LGR5: variants seen among roughly 807,000 people sequenced by gnomAD.
LGR5 encodes the protein leucine-rich repeat-containing G protein-coupled receptor 5.
A neutral mutation model predicts 76.7 loss-of-function variants in LGR5; 54 were observed. The ratio of observed to expected loss-of-function variants is 0.70; its 90% CI spans 0.57 to 0.88. The LOEUF (loss-of-function observed/expected upper bound fraction) is 0.88, where lower values mean the gene tolerates loss of function less well. Ranked by LOEUF, LGR5 falls within the 40% of genes least tolerant of loss-of-function variation. The pLI, the probability that LGR5 is intolerant of heterozygous loss-of-function variation, is 0.00. For synonymous variants in LGR5, 406 were observed against 421.9 expected (o/e 0.96, Z 0.46); for missense variants, 1,078 against 1,073.3 (o/e 1.00, Z -0.06).
At chr12:71,483,957 T>C (rs542029653) in intron 1 of LGR5, among the ~76,000 whole-genome samples, 1 of 152,156 alleles carries the variant, frequency 6.6e-6, no homozygotes, top group Admixed American at 6.5e-5. Flanking sequence ...TGGAGATGTA[T>C]TAATCAAAAT....
At chr12:71,548,981 TA>T (rs1169627152) in intron 4 of LGR5, among the ~76,000 whole-genome samples, 7 of 152,262 alleles carry the variant, frequency 4.6e-5, no homozygotes, top group African/African-American at 1.7e-4. Flanking sequence ...TGTCTTCTTG[TA>T]CCAGATAGTG....
intron 14 of LGR5, 54 bp downstream of exon 14, chr12:71,578,050 T>A: frequency 7.4e-7 from 1 of 1,351,704 alleles, no homozygotes; most frequent in Non-Finnish European, 1.1e-6. Flanking sequence ...GAGGACCATC[T>A]AGTTAATTTT....
chr12:71,523,894 C>A (rs968318963), intron 2 of LGR5, among the ~76,000 whole-genome samples: 1 of 152,134 alleles, frequency 6.6e-6, no homozygotes, highest in Admixed American at 6.6e-5. Context: ...TTAAGGTACT[C>A]TATCCTTTTC....
chr12:71,566,111 G>A (rs1277045969), intron 8 of LGR5, among the ~76,000 whole-genome samples: 1 of 152,090 alleles, frequency 6.6e-6, no homozygotes, highest in Non-Finnish European at 1.5e-5. Context: ...GGAGGGAGAG[G>A]AAACTGTTAA....
chr12:71,472,608 C>G (rs1873149252), intron 1 of LGR5, among the ~76,000 whole-genome samples: 1 of 152,246 alleles, frequency 6.6e-6, no homozygotes, highest in African/African-American at 2.4e-5. Context: ...GTCCTCCTAT[C>G]TTGTGTGAGA....
intron 17 of LGR5, 57 bp downstream of exon 17, chr12:71,582,596 A>C: frequency 7.7e-7 from 1 of 1,298,392 alleles, no homozygotes; most frequent in Non-Finnish European, 1.1e-6. Flanking sequence ...TTCTGAGTCC[A>C]TGAAAAACAA....
chr12:71,580,141 A>G, intron 15 of LGR5, 137 bp from the exon 16 acceptor site: 1 of 684,482 alleles, frequency 1.5e-6, no homozygotes, highest in Non-Finnish European at 2.4e-6. Flanking sequence ...GAACACCTTT[A>G]TGTGCATAAC....
chr12:71,563,012 C>T (rs2463179), intron 8 of LGR5, among the ~76,000 whole-genome samples: 134,146 of 152,220 alleles, frequency 0.88, 61,089 homozygotes, highest in East Asian at 1. Context: ...AGCGTATTTG[C>T]GTATTAAGAG....
chr12:71,566,805 G>A (rs373845303), intron 10 of LGR5, 36 bp from the exon 11 acceptor site: 54 of 1,595,866 alleles, frequency 3.4e-5, no homozygotes, highest in Non-Finnish European at 4.1e-5. Flanking sequence ...TGTGATGCCT[G>A]AATGAAAGAA....
At chr12:71,547,508 TA>T (rs1268504314) in intron 4 of LGR5, among the ~76,000 whole-genome samples, 2 of 152,228 alleles carry the variant, frequency 1.3e-5, no homozygotes, top group East Asian at 3.8e-4. Flanking sequence ...CCTCAAATAA[TA>T]AAGTCTGTCA....
At position 71,553,212 on chromosome 12, in the gene LGR5, G is replaced by C; in HGVS notation, c.568G>C (p.Ala190Pro). 1 of 1,613,996 alleles carries C rather than the reference G, an allele frequency of 6.2e-7. No homozygotes were observed. The highest frequency in any genetic ancestry group is 8.5e-7 in the Non-Finnish European group (1 of 1,179,994). The change falls in exon 5 of 18, where the codon GCC (alanine) becomes CCC (proline). Residue 190 changes from alanine (A) to proline (P), a missense_variant. By Grantham distance (27) the Ala-to-Pro change is conservative (BLOSUM62 -1). Transcript: ENST00000266674. ...QAFRSLSALQ[A>P]MTLALNKIHH... ...TTTTAGAAGTTTATCGGCATTGCAA[G>C]CCATGACCTTGGCCCTGAACAAAAT...
chr12:71,547,865 C>T (rs954577775), intron 4 of LGR5, among the ~76,000 whole-genome samples: 7 of 152,052 alleles, frequency 4.6e-5, no homozygotes. Context: ...CCTTGGCCTC[C>T]CAAAGTGCTA....
At chr12:71,557,208 C>T (rs903087369) in intron 6 of LGR5, among the ~76,000 whole-genome samples, 5 of 152,108 alleles carry the variant, frequency 3.3e-5, no homozygotes, top group African/African-American at 4.8e-5. Flanking sequence ...TCGCTTGAGC[C>T]CAGGAATTTG....
chr12:71,539,226 C>A (rs978071284), intron 4 of LGR5, among the ~76,000 whole-genome samples: 1 of 152,144 alleles, frequency 6.6e-6, no homozygotes. Flanking sequence ...ATAACACTAA[C>A]AAAGTGGTCT....
At chr12:71,486,942 C>A (rs563458033) in intron 1 of LGR5, among the ~76,000 whole-genome samples, 13 of 152,200 alleles carry the variant, frequency 8.5e-5, no homozygotes, top group Admixed American at 2.6e-4. Flanking sequence ...GTACAAATGA[C>A]CCTAAGTTAA....
chr12:71,440,242 C>T lies in LGR5; in HGVS notation c.162C>T (p.Asp54=). 6.2e-7 allele frequency: 1 copy of T among 1,613,302 alleles called. No homozygotes were observed. ...GRMLLRVDCS[D]LGLSELPSNL... ...TGTTGCTCAGGGTGGACTGCTCCGA[C>T]CTGGGGCTCTCGGAGCTGCCTTCCA... Residue 54 remains aspartate (D), a synonymous_variant, in exon 1 of 18, where the codon GAC becomes GAT. Transcript: ENST00000266674. This position sits in a 1 kb window ranked among gnomAD's most constrained non-coding sequence, Gnocchi z 5.3.
chr12:71,501,626 A>T (rs1047122556), intron 1 of LGR5, among the ~76,000 whole-genome samples: 1 of 152,234 alleles, frequency 6.6e-6, no homozygotes, highest in Admixed American at 6.5e-5. Context: ...TTATTGATCC[A>T]CAAAGGATAA....
intron 11 of LGR5, among the ~76,000 whole-genome samples, chr12:71,570,209 G>A (rs779019015): frequency 7.2e-5 from 11 of 152,120 alleles, no homozygotes; most frequent in Admixed American, 2.0e-4. Flanking sequence ...TGCGTCCGGG[G>A]CTTAATACCT....
chr12:71,582,060 C>T (rs1728228961), intron 16 of LGR5, among the ~76,000 whole-genome samples: 1 of 152,186 alleles, frequency 6.6e-6, no homozygotes, highest in South Asian at 2.1e-4. Context: ...GTTCAGAGAA[C>T]ACAGCCTAGA....
Sources: gnomAD v4.1 joint callset for allele counts (sites outside exome capture counted in the v4.1 genomes callset) on GRCh38, gnomAD v4.1.1 for gene constraint, Gnocchi (gnomAD v3.1) non-coding constraint, MANE v1.5 for transcripts, NCBI Gene and HGNC (gene_info 2026-07-23, HGNC 2026-07-21) for gene names.